The following ACER1 variants were observed in gnomAD, a reference collection of about 807,000 sequenced individuals.
ACER1 encodes CTB-180A7.3.
A neutral mutation model predicts 24.9 loss-of-function variants in ACER1; 28 were observed. That is an observed-to-expected ratio of 1.13 (90% confidence interval 0.83 to 1.54). ACER1 has a LOEUF of 1.54. Ranked by LOEUF, ACER1 falls within the 40% of genes most tolerant of loss-of-function variation. ACER1 has a pLI of 0.00. For synonymous variants in ACER1, 132 were observed against 131.4 expected (o/e 1.00, Z -0.03); for missense variants, 352 against 349.3 (o/e 1.01, Z -0.06).
At chr19:6,350,328 C>T in the ACER1 span, among the ~76,000 whole-genome samples, 9 of 151,908 alleles carry the variant, frequency 5.9e-5, no homozygotes, top group Non-Finnish European at 1.2e-4. Context: ...TTAGCTGGCA[C>T]CAACATGGCA....
upstream of ACER1, among the ~76,000 whole-genome samples, chr19:6,337,661 CTTTTTTTT>C (rs1192304687): frequency 4.6e-4 from 12 of 25,932 alleles, no homozygotes; most frequent in South Asian, 1.9e-3. Flanking sequence ...TTCTTTCTTT[CTTTTTTTT>C]TTTTTTTTTT....
the ACER1 span, among the ~76,000 whole-genome samples, chr19:6,347,344 G>A: frequency 2.7e-5 from 4 of 148,856 alleles, no homozygotes; most frequent in African/African-American, 5.0e-5. Flanking sequence ...CCTCAGCCTC[G>A]TTAGTGGTGA....
At chr19:6,325,384 G>A (rs1411061773) in intron 1 of ACER1, among the ~76,000 whole-genome samples, 1 of 152,230 alleles carries the variant, frequency 6.6e-6, no homozygotes, top group African/African-American at 2.4e-5. Context: ...CGGGTGCAGT[G>A]GCTCACGCCT....
At chr19:6,327,341 G>A (rs944913400) in intron 1 of ACER1, among the ~76,000 whole-genome samples, 1 of 152,010 alleles carries the variant, frequency 6.6e-6, no homozygotes, top group Non-Finnish European at 1.5e-5. Context: ...TGAGGCAGGC[G>A]GATCACAAAG....
the ACER1 span, among the ~76,000 whole-genome samples, chr19:6,352,849 C>T: frequency 6.6e-6 from 1 of 152,182 alleles, no homozygotes; most frequent in Non-Finnish European, 1.5e-5. Flanking sequence ...TTTTCAATTT[C>T]TATCATTTCA....
intron 1 of ACER1, among the ~76,000 whole-genome samples, chr19:6,322,011 T>C (rs1211102769): frequency 6.6e-6 from 1 of 151,796 alleles, no homozygotes; most frequent in Non-Finnish European, 1.5e-5. Flanking sequence ...GAAATTGTTG[T>C]CCCAACAACT....
At chr19:6,326,998 C>A (rs986176550) in intron 1 of ACER1, among the ~76,000 whole-genome samples, 1 of 152,146 alleles carries the variant, frequency 6.6e-6, no homozygotes, top group Admixed American at 6.6e-5. Context: ...TTGGCAAACT[C>A]CTATTCATCT....
the ACER1 span, among the ~76,000 whole-genome samples, chr19:6,354,910 T>G: frequency 6.6e-6 from 1 of 152,192 alleles, no homozygotes; most frequent in Non-Finnish European, 1.5e-5. Flanking sequence ...CTCGGCTCAC[T>G]GCAGCCTCCC....
the ACER1 span, among the ~76,000 whole-genome samples, chr19:6,347,109 A>AAAAAATATATATATATATAT: frequency 2.6e-5 from 3 of 113,776 alleles, no homozygotes; most frequent in African/African-American, 1.5e-4. Flanking sequence ...AAAAAAAAAA[A>AAAAAATATATATATATATAT]ATATATATAT....
chr19:6,355,585 C>T, the ACER1 span, among the ~76,000 whole-genome samples: 1 of 149,568 alleles, frequency 6.7e-6, no homozygotes, highest in African/African-American at 2.5e-5. Context: ...TGGGGGTCAG[C>T]CCCGCCAGGC....
At chr19:6,311,650 AGAAGGAGGAGG>A (rs1286644768) in intron 3 of ACER1, among the ~76,000 whole-genome samples, 5 of 150,422 alleles carry the variant, frequency 3.3e-5, no homozygotes, top group African/African-American at 1.2e-4. Context: ...AAGAAGAAGG[AGAAGGAGGAGG>A]AGAAGGAGGA....
At chr19:6,357,138 G>A in the ACER1 span, among the ~76,000 whole-genome samples, 20 of 148,912 alleles carry the variant, frequency 1.3e-4, no homozygotes, top group Non-Finnish European at 2.1e-4. Context: ...TCTGCCTCCC[G>A]GGTTCAAGCG....
At chr19:6,330,376 C>T (rs960876714) in intron 1 of ACER1, among the ~76,000 whole-genome samples, 7 of 149,296 alleles carry the variant, frequency 4.7e-5, no homozygotes, top group Non-Finnish European at 8.8e-5. Context: ...CCATGTTGTC[C>T]AGGCTGGTCT....
chr19:6,335,211 CTCATT>C (rs1427722828), upstream of ACER1, among the ~76,000 whole-genome samples: 1 of 134,508 alleles, frequency 7.4e-6, no homozygotes, highest in Non-Finnish European at 1.6e-5. Context: ...TCAGTATTAT[CTCATT>C]TAACGTTCTT....
At chr19:6,307,475 A>G (rs1267064063) in intron 4 of ACER1, among the ~76,000 whole-genome samples, 185 bp from the exon 5 acceptor site, 1 of 152,078 alleles carries the variant, frequency 6.6e-6, no homozygotes, top group Non-Finnish European at 1.5e-5. Flanking sequence ...TTCCAGCACA[A>G]CAGGTGCAGT....
intron 1 of ACER1, among the ~76,000 whole-genome samples, chr19:6,323,001 A>G (rs1249355865): frequency 6.6e-6 from 1 of 152,062 alleles, no homozygotes; most frequent in Non-Finnish European, 1.5e-5. Context: ...AAGCCCAGCT[A>G]CTCAGGAGGC....
At position 6,330,167 on chromosome 19, in the gene ACER1, G is replaced by A. The variant is rs151210999; in HGVS notation, c.93+3292C>T. On this transcript the variant is annotated intron_variant, in intron 1 of 5. Transcript: ENST00000301452. ...ATTACAGGCGTGAGCCACCACGCCC[G>A]GCTAATTTTTAATCTTTTGAGATGG... 1.4e-3 allele frequency among the ~76,000 whole-genome samples: 175 copies of A among 124,430 alleles called. 4 individuals are homozygous for A. In the East Asian group the frequency reaches 0.03, roughly 21 times the overall value. The allele number at this position is 124,430 out of a possible 152,430, so 81.6% of individuals were successfully genotyped here.
the ACER1 span, among the ~76,000 whole-genome samples, chr19:6,350,413 T>TA: frequency 2.0e-5 from 3 of 149,594 alleles, no homozygotes; most frequent in Admixed American, 6.7e-5. Flanking sequence ...ATAATAAAAT[T>TA]AAAAAAAATT....
chr19:6,338,210 T>C (rs2091722483), upstream of ACER1, among the ~76,000 whole-genome samples: 1 of 152,216 alleles, frequency 6.6e-6, no homozygotes, highest in Non-Finnish European at 1.5e-5. Flanking sequence ...CACAGCAATG[T>C]CAATTTCCTG....
Sources: allele counts gnomAD v4.1 joint callset (sites outside exome capture counted in the v4.1 genomes callset), GRCh38; gene constraint gnomAD v4.1.1; transcripts MANE v1.5; gene names NCBI Gene and HGNC (gene_info 2026-07-23, HGNC 2026-07-21).